CMPK1: variants seen among roughly 807,000 people sequenced by gnomAD.
CMPK1 encodes the protein cytidine/uridine monophosphate kinase 1, also known as UMP-CMP kinase.
In CMPK1, 10 loss-of-function variants were observed where a neutral mutation model predicts 25.7. That is an observed-to-expected ratio of 0.39 (90% CI 0.24 to 0.66). The LOEUF is 0.66. CMPK1 is among the 30% of genes least tolerant of loss of function. The pLI, the probability that CMPK1 is intolerant of heterozygous loss-of-function variation, is 0.48. For missense variants in CMPK1, 199 were observed against 280.5 expected (o/e 0.71, Z 2.08); for synonymous variants, 106 against 101.5 (o/e 1.04, Z -0.27).
chr1:47,359,132 C>A (rs967406068), intron 1 of CMPK1, among the ~76,000 whole-genome samples: 6 of 151,990 alleles, frequency 3.9e-5, no homozygotes, highest in Non-Finnish European at 5.9e-5. Flanking sequence ...TCCTGGCTAA[C>A]ATGGTGAGAC....
At chr1:47,334,639 G>A (rs142913116) in intron 1 of CMPK1, among the ~76,000 whole-genome samples, 1,808 of 152,316 alleles carry the variant, frequency 0.012, 32 homozygotes, top group African/African-American at 0.041. Flanking sequence ...CCGTGGGGCG[G>A]GGTGTTATTT....
At chr1:47,361,045 C>T (rs202170025) in intron 1 of CMPK1, among the ~76,000 whole-genome samples, 10 of 151,972 alleles carry the variant, frequency 6.6e-5, no homozygotes, top group Non-Finnish European at 1.2e-4. Context: ...AATGGGTAAA[C>T]ATATGTAACA....
At chr1:47,366,089 G>T (rs1646638170) in intron 1 of CMPK1, among the ~76,000 whole-genome samples, 1 of 152,138 alleles carries the variant, frequency 6.6e-6, no homozygotes, top group African/African-American at 2.4e-5. Context: ...AGCTGCTTGG[G>T]AGGCTGAGGC....
At chr1:47,334,497 C>T (rs1339296859) in intron 1 of CMPK1, among the ~76,000 whole-genome samples, 2 of 152,166 alleles carry the variant, frequency 1.3e-5, no homozygotes, top group Non-Finnish European at 2.9e-5. Context: ...AGCAGGAGCG[C>T]GGATTTGGGT....
chr1:47,349,593 C>T (rs1382503420), intron 1 of CMPK1, among the ~76,000 whole-genome samples: 1 of 152,116 alleles, frequency 6.6e-6, no homozygotes, highest in African/African-American at 2.4e-5. Context: ...TAATAAATTC[C>T]TTTATTTCAT....
rs1646720829 is a variant in CMPK1 at position 47,378,254 on chromosome 1, A to G, written c.*1509A>G. On this transcript the variant is annotated 3_prime_UTR_variant, in exon 6 of 6. Coordinates refer to ENST00000371873, the MANE Select transcript of CMPK1 (RefSeq NM_016308.3). ...TAAGTACTATAACATATTGGCCACT[A>G]AAATTCATATTGAGATTATCTTGGT... 1 of 152,218 alleles carries G rather than the reference A, an allele frequency of 6.6e-6. No individual in the cohort carries two copies. Among genetic ancestry groups the G allele is most frequent in the African/African-American group, 2.4e-5 (1 of 41,456 alleles). The allele number at this position is 152,218 out of a possible 1,614,324, so 9.4% of individuals were successfully genotyped here.
At chr1:47,366,221 A>G (rs1164938301) in intron 1 of CMPK1, among the ~76,000 whole-genome samples, 1 of 152,212 alleles carries the variant, frequency 6.6e-6, no homozygotes, top group Non-Finnish European at 1.5e-5. Context: ...TTTTAGTTCA[A>G]TAGTAGCTTG....
chr1:47,342,134 T>A (rs1451450385), intron 1 of CMPK1, among the ~76,000 whole-genome samples: 2 of 151,926 alleles, frequency 1.3e-5, no homozygotes, highest in African/African-American at 4.8e-5. Context: ...CAGGCTAGAG[T>A]GCAGTGGGGT....
Position 47,368,044 on chromosome 1 carries a change from G to C in CMPK1, c.172-425G>C, listed in dbSNP as rs559937214. Among the ~76,000 whole-genome samples the C allele has an allele frequency of 2.6e-5, 4 of 152,180 alleles. No individual in the cohort carries two copies. The South Asian group carries it at 8.3e-4, about 32-fold the overall frequency. On this transcript the variant is annotated intron_variant, in intron 1 of 5. Transcript: ENST00000371873. ...AGCTCACTGCAACCTCCGCCTCCCG[G>C]GTTCAAGCGATTCTCCTGCCTCAGC...
At position 47,354,624 on chromosome 1, in the gene CMPK1, G is replaced by A. The variant is rs12031563; in HGVS notation, c.172-13845G>A. ...CTTTTTTTTTTTTTTTTTTTGCTTA[G>A]CAGTGTATCTTGGAGAGCGTTCCAT... On this transcript the variant is annotated intron_variant, in intron 1 of 5. Coordinates refer to ENST00000371873, the MANE Select transcript of CMPK1 (RefSeq NM_016308.3). 1.8e-4 allele frequency among the ~76,000 whole-genome samples: 17 copies of A among 93,540 alleles called. No homozygotes were observed. The South Asian group carries it at 2.4e-3, about 13-fold the overall frequency. 61.4% of individuals were successfully genotyped at this position (93,540 alleles called of 152,430 possible).
intron 1 of CMPK1, among the ~76,000 whole-genome samples, chr1:47,346,659 A>G (rs1646486840): frequency 6.6e-6 from 1 of 151,754 alleles, no homozygotes; most frequent in African/African-American, 2.4e-5. Flanking sequence ...GTGCGCCACC[A>G]TGCCTGGCTA....
chr1:47,340,758 C>T (rs1570350857), intron 1 of CMPK1, among the ~76,000 whole-genome samples: 1 of 152,146 alleles, frequency 6.6e-6, no homozygotes, highest in African/African-American at 2.4e-5. Flanking sequence ...CTGCCTCAGC[C>T]TCCTGAGTAG....
At chr1:47,339,663 G>C (rs1272382338) in intron 1 of CMPK1, among the ~76,000 whole-genome samples, 1 of 146,002 alleles carries the variant, frequency 6.8e-6, no homozygotes, top group African/African-American at 2.5e-5. Flanking sequence ...AGAAGTGTTT[G>C]AATGTCTTCC....
rs149602209 is a variant in CMPK1 at position 47,349,249 on chromosome 1, C to G, written c.171+15133C>G. Among the ~76,000 whole-genome samples the G allele has an allele frequency of 2.8e-3, 430 of 152,280 alleles. 5 individuals carry two copies. Among genetic ancestry groups the G allele is most frequent in the African/African-American group, 9.9e-3 (410 of 41,550 alleles). ...ATAGTAGCTTGAAGACGAAAGACTG[C>G]ATCTCCATATGGGTCACCTAGGAAT... On this transcript the variant is annotated intron_variant, in intron 1 of 5. Transcript: ENST00000371873.
At chr1:47,355,422 C>T (rs1338993871) in intron 1 of CMPK1, among the ~76,000 whole-genome samples, 2 of 148,270 alleles carry the variant, frequency 1.3e-5, no homozygotes, top group Non-Finnish European at 3.0e-5. Context: ...TCTCTGCTCA[C>T]TTCTGCCTCA....
In CMPK1 at chr1:47,377,700, T is replaced by C. The variant is rs1439774120; in HGVS notation, c.*955T>C. 1 of 152,656 alleles carries C rather than the reference T, an allele frequency of 6.6e-6. No homozygotes were observed. The highest frequency in any genetic ancestry group is 2.1e-4 in the South Asian group (1 of 4,836). The allele number at this position is 152,656 out of a possible 1,614,324, so 9.5% of individuals were successfully genotyped here. On this transcript the variant is annotated 3_prime_UTR_variant, in exon 6 of 6. Coordinates refer to ENST00000371873, the MANE Select transcript of CMPK1 (RefSeq NM_016308.3). Reference sequence around the variant, plus strand: ...TTGTATTTTATTTTCTTGAATACTTTTTTCATAGTTATTTGTTTAAAAAGA... The same window carrying C: ...TTGTATTTTATTTTCTTGAATACTTCTTTCATAGTTATTTGTTTAAAAAGA...
intron 1 of CMPK1, among the ~76,000 whole-genome samples, chr1:47,344,067 TAAAA>T (rs34326568): frequency 7.1e-6 from 1 of 141,438 alleles, no homozygotes; most frequent in African/African-American, 2.6e-5. Flanking sequence ...GACCATGTCT[TAAAA>T]AAAAAAAAAA....
At chr1:47,363,132 G>A (rs1245880697) in intron 1 of CMPK1, among the ~76,000 whole-genome samples, 2 of 152,150 alleles carry the variant, frequency 1.3e-5, no homozygotes, top group African/African-American at 4.8e-5. Flanking sequence ...AAAACCCATT[G>A]TAAGTTGAAA....
chr1:47,354,397 A>G (rs1293207304), intron 1 of CMPK1, among the ~76,000 whole-genome samples: 3 of 152,174 alleles, frequency 2.0e-5, no homozygotes, highest in Admixed American at 6.5e-5. Context: ...GTTTATATGT[A>G]TATGTGTATA....
Sources: allele counts gnomAD v4.1 joint callset (sites outside exome capture counted in the v4.1 genomes callset), GRCh38; gene constraint gnomAD v4.1.1; transcripts MANE v1.5; gene names NCBI Gene and HGNC (gene_info 2026-07-23, HGNC 2026-07-21).